Variants in VPS36 observed in about 807,000 individuals in gnomAD.
VPS36 encodes vacuolar protein-sorting-associated protein 36.
VPS36 carries 31 observed loss-of-function variants against 63.5 expected under a neutral mutation model. That is an observed-to-expected ratio of 0.49 (90% CI 0.37 to 0.66). VPS36 has a LOEUF of 0.66. Ranked by LOEUF, VPS36 falls within the 30% of genes least tolerant of loss-of-function variation. VPS36 has a pLI of 0.00. For missense variants in VPS36, 338 were observed against 463.7 expected (o/e 0.73, Z 2.49); for synonymous variants, 138 against 157.2 (o/e 0.88, Z 0.91).
chr13:52,425,987 T>A lies in VPS36; in HGVS notation c.719A>T (p.Gln240Leu), dbSNP rs1390024952. ...VTRETYGSGT[Q>L]YHMQLAKQLA... The stretch of plus-strand genomic sequence containing the variant: ...TTGTTTGGCCAGCTGCATGTGGTAC[T>A]GTGTGCCTGAGCCGTAGGTTTCTCT... Residue 240 changes from glutamine (Q) to leucine (L), a missense_variant, in exon 9 of 14, where the codon CAG becomes CTG. Transcript: ENST00000378060. 3 of 1,614,202 alleles carry A rather than the reference T, an allele frequency of 1.9e-6. No individual in the cohort carries two copies. Among genetic ancestry groups the A allele is most frequent in the Non-Finnish European group, 2.5e-6 (3 of 1,180,026 alleles).
chr13:52,425,058 A>G (rs1958086557), intron 9 of VPS36, among the ~76,000 whole-genome samples: 1 of 151,550 alleles, frequency 6.6e-6, no homozygotes, highest in African/African-American at 2.4e-5. Flanking sequence ...CAGGAGATTG[A>G]GACTACGGTG....
intron 10 of VPS36, among the ~76,000 whole-genome samples, chr13:52,420,921 G>C (rs1445956698): frequency 1.3e-5 from 2 of 152,252 alleles, no homozygotes; most frequent in East Asian, 3.9e-4. Context: ...AGGAGTTCAA[G>C]ACCAGTTTGG....
At chr13:52,436,254 C>CACACACACACACACACACACACA (rs769081362) in intron 4 of VPS36, 36 bp downstream of exon 4, 2 of 1,347,418 alleles carry the variant, frequency 1.5e-6, no homozygotes. Flanking sequence ...CACACACACA[C>CACACACACACACACACACACACA]CTTTCTAGTA....
At chr13:52,416,680 TA>T (rs1389389010) in intron 12 of VPS36, among the ~76,000 whole-genome samples, 1 of 152,332 alleles carries the variant, frequency 6.6e-6, no homozygotes, top group East Asian at 1.9e-4. Flanking sequence ...ATTATTTTCA[TA>T]AAACTTGTGG....
chr13:52,426,918 T>C (rs757116017), intron 8 of VPS36, 71 bp downstream of exon 8: 26 of 986,368 alleles, frequency 2.6e-5, no homozygotes, highest in Non-Finnish European at 4.0e-5. Context: ...AGAAAGCCAA[T>C]GTAAACCACA....
chr13:52,431,294 G>A (rs917591679), intron 6 of VPS36, among the ~76,000 whole-genome samples: 3 of 152,192 alleles, frequency 2.0e-5, no homozygotes, highest in East Asian at 1.9e-4. Context: ...TTATCTGGTA[G>A]TGTCATCTTA....
chr13:52,423,259 T>C (rs1297765196), intron 10 of VPS36, among the ~76,000 whole-genome samples: 2 of 152,138 alleles, frequency 1.3e-5, no homozygotes, highest in Non-Finnish European at 2.9e-5. Flanking sequence ...CCCATGAATA[T>C]GTACAATTAT....
At chr13:52,434,722 G>T in intron 5 of VPS36, 71 bp downstream of exon 5, 1 of 1,374,722 alleles carries the variant, frequency 7.3e-7, no homozygotes, top group Non-Finnish European at 1.0e-6. Flanking sequence ...TACAATCACA[G>T]AGTCTTTTTC....
chr13:52,429,134 C>T (rs1958131917), intron 6 of VPS36: 2 of 341,632 alleles, frequency 5.9e-6, no homozygotes, highest in African/African-American at 4.5e-5. Flanking sequence ...CCCTCTACCA[C>T]ACCTATAGTC....
intron 4 of VPS36, 89 bp from the exon 5 acceptor site, chr13:52,434,971 C>CA: frequency 1.2e-6 from 1 of 808,902 alleles, no homozygotes; most frequent in Non-Finnish European, 1.7e-6. Context: ...TTCTTTTTTT[C>CA]TTTTTTTTTT....
chr13:52,450,032 G>C (rs892491023), intron 1 of VPS36: 5 of 987,110 alleles, frequency 5.1e-6, no homozygotes, highest in South Asian at 4.7e-5. Flanking sequence ...GCTGGGGCAC[G>C]GACTGTACGG....
intron 10 of VPS36, among the ~76,000 whole-genome samples, chr13:52,420,197 G>A (rs1958032437): frequency 6.6e-6 from 1 of 150,384 alleles, no homozygotes; most frequent in Non-Finnish European, 1.5e-5. Flanking sequence ...AGCCGAGGTT[G>A]TGCCACTGCA....
At chr13:52,424,436 G>C (rs139765472) in intron 9 of VPS36, among the ~76,000 whole-genome samples, 1 of 152,006 alleles carries the variant, frequency 6.6e-6, no homozygotes, top group Non-Finnish European at 1.5e-5. Context: ...CTATGAAATA[G>C]TCCTGCAATA....
At chr13:52,450,127 C>T in intron 1 of VPS36, 1 of 996,000 alleles carries the variant, frequency 1.0e-6, no homozygotes, top group East Asian at 1.1e-4. Context: ...TCTGGAACCA[C>T]GCCAAGGAAG....
intron 2 of VPS36, 111 bp from the exon 3 acceptor site, chr13:52,439,279 A>T (rs928515416): frequency 1.4e-5 from 11 of 787,802 alleles, no homozygotes; most frequent in Non-Finnish European, 2.1e-5. Flanking sequence ...TAATAAAAAT[A>T]ATGAAAAACA....
intron 1 of VPS36, chr13:52,450,163 C>A: frequency 9.9e-7 from 1 of 1,009,616 alleles, no homozygotes; most frequent in African/African-American, 1.7e-5. Flanking sequence ...CCGCCCGGCG[C>A]CCGCAGACGG....
chr13:52,445,350 A>C (rs1418358096), intron 1 of VPS36, among the ~76,000 whole-genome samples: 1 of 152,244 alleles, frequency 6.6e-6, no homozygotes, highest in Non-Finnish European at 1.5e-5. Context: ...TTAAGAGTAC[A>C]TAATGCTGGC....
intron 10 of VPS36, among the ~76,000 whole-genome samples, chr13:52,422,962 G>C (rs541893994): frequency 1.1e-4 from 17 of 152,234 alleles, no homozygotes; most frequent in African/African-American, 3.4e-4. Context: ...TGCTGTTCTG[G>C]TGATAGCGAA....
At chr13:52,439,267 A>C in intron 2 of VPS36, 99 bp from the exon 3 acceptor site, 1 of 825,156 alleles carries the variant, frequency 1.2e-6, no homozygotes, top group Non-Finnish European at 1.8e-6. Context: ...CATATGCCTT[A>C]ATAATAAAAA....
Sources: allele counts gnomAD v4.1 joint callset (sites outside exome capture counted in the v4.1 genomes callset), GRCh38; gene constraint gnomAD v4.1.1; transcripts MANE v1.5; gene names NCBI Gene and HGNC (gene_info 2026-07-23, HGNC 2026-07-21).